The following NAALADL2 variants were observed in gnomAD, a reference collection of about 807,000 sequenced individuals.
NAALADL2 encodes N-acetylated alpha-linked acidic dipeptidase like 2, also known as inactive N-acetylated-alpha-linked acidic dipeptidase-like protein 2.
NAALADL2 carries 76 observed loss-of-function variants against 87.2 expected under a neutral mutation model. That is an observed-to-expected ratio of 0.87 (90% CI 0.72 to 1.05). The LOEUF is 1.05. NAALADL2 is among the 50% of genes least tolerant of loss of function. NAALADL2 has a pLI of 0.00. For missense variants in NAALADL2, 1,089 were observed against 945.8 expected (o/e 1.15, Z -1.99); for synonymous variants, 354 against 331.0 (o/e 1.07, Z -0.75).
intron 1 of NAALADL2, among the ~76,000 whole-genome samples, chr3:174,903,897 T>C (rs1470462951): frequency 6.6e-6 from 1 of 151,742 alleles, no homozygotes; most frequent in Non-Finnish European, 1.5e-5. Flanking sequence ...TTTTGGTGTG[T>C]GTCCTAAAAT....
At position 175,749,243 on chromosome 3, in the gene NAALADL2, G is replaced by T. The variant is rs112375619; in HGVS notation, c.1991-5977G>T. ...AGAGGGGGTAGGGGGAGGAGGGGGA[G>T]GATGATGGGGAGAGAAGGGAAGGTT... On this transcript the variant is annotated intron_variant, in intron 12 of 13. Coordinates refer to ENST00000454872, the MANE Select transcript of NAALADL2 (RefSeq NM_207015.3). Among the ~76,000 whole-genome samples the T allele has an allele frequency of 2.9e-3, 400 of 135,680 alleles. 3 individuals carry two copies. Among genetic ancestry groups the T allele is most frequent in the African/African-American group, 0.011 (386 of 35,284 alleles). The allele number at this position is 135,680 out of a possible 152,430, so 89.0% of individuals were successfully genotyped here. A position where few individuals can be genotyped will look rare whatever the true frequency, so the allele number is the denominator to read the frequency against.
At chr3:175,214,881 A>G (rs1441498073) in intron 2 of NAALADL2, among the ~76,000 whole-genome samples, 1 of 152,190 alleles carries the variant, frequency 6.6e-6, no homozygotes, top group African/African-American at 2.4e-5. Context: ...ATCCTTATAC[A>G]TAAATGCTTG....
At chr3:175,271,644 T>C (rs1419410818) in intron 4 of NAALADL2, among the ~76,000 whole-genome samples, 9 of 151,910 alleles carry the variant, frequency 5.9e-5, no homozygotes, top group Admixed American at 5.9e-4. Flanking sequence ...ATACAAAAAT[T>C]CGCCGGGTGT....
At chr3:175,049,507 C>T (rs1755096385) in intron 1 of NAALADL2, among the ~76,000 whole-genome samples, 1 of 152,284 alleles carries the variant, frequency 6.6e-6, no homozygotes, top group Admixed American at 6.5e-5. Context: ...GGTAGTCTGG[C>T]CTGGCCAGCC....
At chr3:175,753,266 A>G (rs10428131) in intron 12 of NAALADL2, among the ~76,000 whole-genome samples, 2,324 of 152,288 alleles carry the variant, frequency 0.015, 57 homozygotes, top group African/African-American at 0.053. Context: ...AGATTGTGGG[A>G]TATTGAAAAT....
intron 2 of NAALADL2, among the ~76,000 whole-genome samples, chr3:174,680,332 C>A (rs968868221): frequency 2.0e-5 from 3 of 152,142 alleles, no homozygotes. Context: ...ATAATCTCAT[C>A]GATGTTGAGT....
At chr3:175,792,950 G>A (rs9942019) in intron 13 of NAALADL2, among the ~76,000 whole-genome samples, 1 of 152,172 alleles carries the variant, frequency 6.6e-6, no homozygotes, top group Non-Finnish European at 1.5e-5. Flanking sequence ...AGCTTTTGCT[G>A]GTTCTTTCAG....
intron 4 of NAALADL2, among the ~76,000 whole-genome samples, chr3:175,274,373 C>T (rs1036808762): frequency 6.6e-6 from 1 of 152,178 alleles, no homozygotes; most frequent in Admixed American, 6.5e-5. Context: ...AACCATATCA[C>T]ATTACAACAA....
At chr3:175,379,443 C>A (rs527844392) in intron 5 of NAALADL2, among the ~76,000 whole-genome samples, 2 of 152,096 alleles carry the variant, frequency 1.3e-5, no homozygotes, top group Non-Finnish European at 2.9e-5. Flanking sequence ...TAGGCACTTA[C>A]AAATGCAGGA....
intron 5 of NAALADL2, among the ~76,000 whole-genome samples, chr3:175,349,272 G>T (rs1763482587): frequency 6.6e-6 from 1 of 151,022 alleles, no homozygotes; most frequent in South Asian, 2.1e-4. Flanking sequence ...GAAAGCAGTT[G>T]AACCCAGATC....
chr3:175,236,090 T>C (rs1745795101), intron 3 of NAALADL2, among the ~76,000 whole-genome samples: 1 of 152,158 alleles, frequency 6.6e-6, no homozygotes, highest in African/African-American at 2.4e-5. Flanking sequence ...ATGTATTTGT[T>C]GGTCTTACTG....
At chr3:174,825,306 C>T (rs1560261529) in intron 3 of NAALADL2, among the ~76,000 whole-genome samples, 2 of 152,194 alleles carry the variant, frequency 1.3e-5, no homozygotes, top group South Asian at 2.1e-4. Flanking sequence ...GGCCTAAGGC[C>T]TGATAACTTG....
At chr3:175,199,332 T>C (rs1034170798) in intron 2 of NAALADL2, among the ~76,000 whole-genome samples, 5 of 152,146 alleles carry the variant, frequency 3.3e-5, no homozygotes, top group African/African-American at 1.2e-4. Flanking sequence ...CAGTATCTTT[T>C]TTTCTCAGCT....
chr3:175,193,684 A>T (rs1003186611), intron 2 of NAALADL2, among the ~76,000 whole-genome samples: 6 of 151,942 alleles, frequency 3.9e-5, no homozygotes, highest in Admixed American at 1.3e-4. Flanking sequence ...AAACAAAAAC[A>T]AAACAAAAAA....
At chr3:174,991,475 TTTA>T (rs1307448436) in intron 1 of NAALADL2, among the ~76,000 whole-genome samples, 3 of 152,022 alleles carry the variant, frequency 2.0e-5, no homozygotes, top group African/African-American at 7.2e-5. Context: ...CATTTAATTT[TTTA>T]TTTGATATAT....
intron 2 of NAALADL2, among the ~76,000 whole-genome samples, chr3:175,186,742 C>CT (rs1439550195): frequency 2.0e-5 from 3 of 152,026 alleles, no homozygotes; most frequent in Non-Finnish European, 4.4e-5. Flanking sequence ...TTGTGAAATT[C>CT]TTTGAACTGT....
intron 2 of NAALADL2, among the ~76,000 whole-genome samples, chr3:174,602,644 G>A (rs1408380494): frequency 1.3e-5 from 2 of 151,870 alleles, no homozygotes; most frequent in South Asian, 4.1e-4. Flanking sequence ...GATTGCTCTA[G>A]CTAGGACTTC....
chr3:175,293,647 C>T (rs1196895359), intron 4 of NAALADL2, among the ~76,000 whole-genome samples: 1 of 151,996 alleles, frequency 6.6e-6, no homozygotes, highest in East Asian at 1.9e-4. Context: ...GGATCAATGC[C>T]CTTATTAAAG....
intron 1 of NAALADL2, among the ~76,000 whole-genome samples, chr3:175,047,826 AC>A (rs1226074214): frequency 6.6e-6 from 1 of 152,214 alleles, no homozygotes; most frequent in Non-Finnish European, 1.5e-5. Context: ...TCTGATATTC[AC>A]CTTTCATATA....
Sources: gnomAD v4.1 joint callset for allele counts (sites outside exome capture counted in the v4.1 genomes callset) on GRCh38, gnomAD v4.1.1 for gene constraint, MANE v1.5 for transcripts, NCBI Gene and HGNC (gene_info 2026-07-23, HGNC 2026-07-21) for gene names.